The following CRISPLD2 variants were observed in gnomAD, a reference collection of about 807,000 sequenced individuals.
CRISPLD2 encodes the protein cysteine rich secretory protein LCCL domain containing 2, also known as cysteine-rich secretory protein LCCL domain-containing 2.
CRISPLD2 carries 47 observed loss-of-function variants against 71.1 expected under a neutral mutation model. The observed-to-expected ratio is 0.66, with a 90% CI of 0.52 to 0.84. The LOEUF (loss-of-function observed/expected upper bound fraction) is 0.84. Ranked by LOEUF, CRISPLD2 falls within the 40% of genes least tolerant of loss-of-function variation. The probability of loss-of-function intolerance (pLI) is 0.00; values close to 1 mark genes in which losing one functional copy is unlikely to be tolerated. For missense variants in CRISPLD2, 830 were observed against 651.1 expected, an observed-to-expected ratio of 1.27 and a Z score of -2.99; for synonymous variants, 317 against 250.1, an observed-to-expected ratio of 1.27 and a Z score of -2.52.
Position 84,827,959 on chromosome 16 carries a change from C to T in CRISPLD2, c.-75+7826C>T, listed in dbSNP as rs116412196. Among the ~76,000 whole-genome samples the T allele has an allele frequency of 1.6e-3, 245 of 152,268 alleles. 1 individual carries two copies. The highest frequency in any genetic ancestry group is 5.4e-3 in the African/African-American group (225 of 41,540). ...CCCTCCTCTGTTCATCTTCGCCATC[C>T]GTGTGTCCGGGATGTCCTGCTCACA... On this transcript the variant is annotated intron_variant, in intron 1 of 14. Coordinates refer to ENST00000262424, the MANE Select transcript of CRISPLD2 (RefSeq NM_031476.4).
rs2071542428 is a variant in CRISPLD2, at chr16:84,878,690, C to T, written c.1229+1180C>T. On this transcript the variant is annotated intron_variant, in intron 12 of 14. Transcript: ENST00000262424. The stretch of plus-strand genomic sequence containing the variant: ...GCTGTCGCTGAAGTTCCTGGTAGAT[C>T]CTCTTGGGAAGGGAACACAGGAACA... Among the ~76,000 whole-genome samples, 3 of 152,172 alleles carry T rather than the reference C, an allele frequency of 2.0e-5. No individual in the cohort carries two copies. In the South Asian group the frequency reaches 6.2e-4, roughly 31 times the overall value.
In CRISPLD2 at chr16:84,851,731, C is replaced by T. The variant is rs567488485; in HGVS notation, c.608+1048C>T. 5.9e-5 allele frequency among the ~76,000 whole-genome samples: 9 copies of T among 152,238 alleles called. No homozygotes were observed. The South Asian group carries it at 1.9e-3, about 32-fold the overall frequency. On this transcript the variant is annotated intron_variant, in intron 5 of 14. Coordinates refer to ENST00000262424, the MANE Select transcript of CRISPLD2 (RefSeq NM_031476.4). ...TGGTCCAAGGTGGTGGAATTCCTGG[C>T]CCAGTGGCAGGTGGTGAATGAGGAA...
chr16:84,881,252 C>G (rs917800328), intron 13 of CRISPLD2, among the ~76,000 whole-genome samples: 2 of 152,232 alleles, frequency 1.3e-5, no homozygotes, highest in African/African-American at 4.8e-5. Flanking sequence ...TGTATTTCTT[C>G]TCAGTTATGC....
At chr16:84,902,216 G>A (rs568720997) in intron 14 of CRISPLD2, among the ~76,000 whole-genome samples, 1 of 152,272 alleles carries the variant, frequency 6.6e-6, no homozygotes, top group African/African-American at 2.4e-5. Flanking sequence ...AGCAATTCAT[G>A]TATCAGGCAA....
chr16:84,877,975 C>T (rs2071534953), intron 12 of CRISPLD2, among the ~76,000 whole-genome samples: 1 of 151,634 alleles, frequency 6.6e-6, no homozygotes, highest in Non-Finnish European at 1.5e-5. Context: ...CTTTGGGAGG[C>T]CGAGGCAGGC....
At chr16:84,832,692 A>C (rs187148561) in intron 1 of CRISPLD2, among the ~76,000 whole-genome samples, 1 of 152,322 alleles carries the variant, frequency 6.6e-6, no homozygotes, top group Non-Finnish European at 1.5e-5. Flanking sequence ...GAGCTGTGGG[A>C]ACAGCATGTG....
intron 1 of CRISPLD2, among the ~76,000 whole-genome samples, chr16:84,824,384 G>A (rs1916300847): frequency 6.6e-6 from 1 of 152,232 alleles, no homozygotes; most frequent in South Asian, 2.1e-4. Context: ...AATGAACTGT[G>A]TCCTCCAAAG....
chr16:84,847,497 A>C (rs1234811159), intron 3 of CRISPLD2, among the ~76,000 whole-genome samples: 2 of 152,046 alleles, frequency 1.3e-5, no homozygotes, highest in Non-Finnish European at 2.9e-5. Context: ...TAAAAATACA[A>C]AAAATTAGCC....
At chr16:84,826,785 G>T (rs1028151326) in intron 1 of CRISPLD2, among the ~76,000 whole-genome samples, 3 of 152,126 alleles carry the variant, frequency 2.0e-5, no homozygotes, top group Non-Finnish European at 4.4e-5. Context: ...CCGCCAGCTG[G>T]ACTTTATCTG....
At chr16:84,872,835 T>G (rs977930822) in intron 9 of CRISPLD2, among the ~76,000 whole-genome samples, 157 bp from the exon 10 acceptor site, 1 of 152,170 alleles carries the variant, frequency 6.6e-6, no homozygotes, top group South Asian at 2.1e-4. Flanking sequence ...GGAACAAATA[T>G]GTGGTTACAG....
At chr16:84,873,986 C>T (rs559588920) in intron 11 of CRISPLD2, 23 bp downstream of exon 11, 19 of 1,586,122 alleles carry the variant, frequency 1.2e-5, no homozygotes, top group African/African-American at 5.5e-5. Context: ...GTCTCTTTTG[C>T]GACCATAATA....
chr16:84,854,922 C>A, intron 6 of CRISPLD2, 93 bp downstream of exon 6: 1 of 983,484 alleles, frequency 1.0e-6, no homozygotes, highest in South Asian at 1.3e-5. Context: ...TTAAAGAAGT[C>A]AGTCACCCCT....
At chr16:84,899,661 T>G (rs1009589838) in intron 14 of CRISPLD2, among the ~76,000 whole-genome samples, 1 of 152,144 alleles carries the variant, frequency 6.6e-6, no homozygotes, top group African/African-American at 2.4e-5. Context: ...TTGCCCAGCT[T>G]GTCGGGGCCT....
intron 14 of CRISPLD2, among the ~76,000 whole-genome samples, chr16:84,892,736 G>T (rs982149521): frequency 2.0e-5 from 3 of 152,126 alleles, no homozygotes; most frequent in African/African-American, 4.8e-5. Flanking sequence ...AGCACTTTGG[G>T]AGGTCGAGAC....
rs1299490971 is a variant in CRISPLD2 at position 84,872,496 on chromosome 16, G to C, written c.969G>C (p.Leu323=). ...ACAAGGCGAAGATCTTTGGAACTCT[G>C]TTCTATGAAAGCGTGAGTGTGGCCA... ...LNHKAKIFGT[L]FYESSSSICR... The change falls in exon 9 of 15, where the codon CTG becomes CTC. Residue 323 remains leucine, a synonymous_variant. Transcript: ENST00000262424. 2 of 1,613,752 alleles carry C rather than the reference G, an allele frequency of 1.2e-6. No homozygotes were observed. The highest frequency in any genetic ancestry group is 1.1e-5 in the South Asian group (1 of 91,010).
intron 14 of CRISPLD2, among the ~76,000 whole-genome samples, chr16:84,906,144 G>A (rs923532257): frequency 2.0e-5 from 3 of 152,006 alleles, no homozygotes; most frequent in Admixed American, 6.6e-5. Flanking sequence ...CCCTGTGAAC[G>A]AGCGATAACA....
chr16:84,866,259 G>A (rs1284999673), intron 6 of CRISPLD2, among the ~76,000 whole-genome samples: 3 of 145,912 alleles, frequency 2.1e-5, no homozygotes, highest in Non-Finnish European at 4.5e-5. Flanking sequence ...TTGAGATGGA[G>A]TTTCGCTCTT....
chr16:84,876,323 GAAACCC>G (rs2143300771), intron 11 of CRISPLD2, among the ~76,000 whole-genome samples: 1 of 152,264 alleles, frequency 6.6e-6, no homozygotes, highest in East Asian at 1.9e-4. Flanking sequence ...CCAACATGGT[GAAACCC>G]CGTCTCTACT....
At chr16:84,825,003 C>T (rs1916315908) in intron 1 of CRISPLD2, among the ~76,000 whole-genome samples, 1 of 152,208 alleles carries the variant, frequency 6.6e-6, no homozygotes, top group Admixed American at 6.5e-5. Context: ...ACTCGGGAGG[C>T]TGAGACAGAA....
Sources: allele counts gnomAD v4.1 joint callset (sites outside exome capture counted in the v4.1 genomes callset), GRCh38; gene constraint gnomAD v4.1.1; transcripts MANE v1.5; gene names NCBI Gene and HGNC (gene_info 2026-07-23, HGNC 2026-07-21).